TBC1D1: variants seen among roughly 807,000 people sequenced by gnomAD.
The protein encoded by TBC1D1 is TBC1 domain family member 1, also known as TBC1 (tre-2/USP6, BUB2, cdc16) domain family, member 1.
TBC1D1 carries 89 observed loss-of-function variants against 125.6 expected under a neutral mutation model. That is an observed-to-expected ratio of 0.71 (90% confidence interval 0.60 to 0.85). TBC1D1 has a LOEUF of 0.85. Among genes scored for constraint, TBC1D1 ranks in the 40% least tolerant of loss-of-function variants. The pLI is 0.00. For missense variants in TBC1D1, 1,377 were observed against 1,469.2 expected (o/e 0.94, Z 1.03); for synonymous variants, 565 against 564.1 (o/e 1.00, Z -0.02).
chr4:38,130,023 G>A (rs889497979), intron 18 of TBC1D1, among the ~76,000 whole-genome samples: 5 of 152,154 alleles, frequency 3.3e-5, no homozygotes, highest in African/African-American at 9.7e-5. Context: ...GTATCCTCAG[G>A]AAATAATCCA....
At chr4:38,025,011 A>G (rs924609577) in intron 6 of TBC1D1, among the ~76,000 whole-genome samples, 7 of 152,206 alleles carry the variant, frequency 4.6e-5, no homozygotes, top group African/African-American at 1.7e-4. Flanking sequence ...CCAGTTCTGT[A>G]TTTGAATCAT....
At chr4:38,077,063 TG>T (rs1451441137) in intron 12 of TBC1D1, among the ~76,000 whole-genome samples, 1 of 152,242 alleles carries the variant, frequency 6.6e-6, no homozygotes, top group Non-Finnish European at 1.5e-5. Context: ...CCTCTTAGGA[TG>T]GTTCTTTCTG....
intron 19 of TBC1D1, among the ~76,000 whole-genome samples, chr4:38,135,332 C>T (rs1488209742): frequency 6.6e-6 from 1 of 152,192 alleles, no homozygotes; most frequent in Non-Finnish European, 1.5e-5. Flanking sequence ...GTACATCAGA[C>T]GATTGCATAG....
intron 14 of TBC1D1, among the ~76,000 whole-genome samples, chr4:38,101,179 CCCAAAGG>C (rs1760257708): frequency 6.6e-6 from 1 of 152,210 alleles, no homozygotes; most frequent in Non-Finnish European, 1.5e-5. Flanking sequence ...AGAAACTTTT[CCCAAAGG>C]TGGCCAGAGA....
intron 2 of TBC1D1, among the ~76,000 whole-genome samples, chr4:37,964,898 T>C (rs1730780358): frequency 6.6e-6 from 1 of 152,240 alleles, no homozygotes. Context: ...AGCCTGCTAT[T>C]GGCAGGAAGC....
At chr4:38,060,496 ATGTT>A (rs1752561885) in intron 12 of TBC1D1, 2 of 468,578 alleles carry the variant, frequency 4.3e-6, no homozygotes, top group South Asian at 4.6e-5. Flanking sequence ...GCTTTTTTTC[ATGTT>A]TGTTGGCTGT....
intron 2 of TBC1D1, among the ~76,000 whole-genome samples, chr4:37,994,008 G>A (rs530902815): frequency 2.0e-5 from 3 of 152,226 alleles, no homozygotes; most frequent in Admixed American, 6.5e-5. Flanking sequence ...ATCTGATCTC[G>A]TGAAAATGAA....
At chr4:38,020,779 AC>A in intron 5 of TBC1D1, 84 bp downstream of exon 5, 1 of 1,143,796 alleles carries the variant, frequency 8.7e-7, no homozygotes, top group Non-Finnish European at 1.3e-6. Context: ...CTTAGGGAAA[AC>A]CAGATGGTCA....
intron 2 of TBC1D1, among the ~76,000 whole-genome samples, chr4:37,999,050 A>T (rs1238358273): frequency 6.6e-6 from 1 of 152,188 alleles, no homozygotes; most frequent in Admixed American, 6.5e-5. Flanking sequence ...GGAGTTCAAG[A>T]CCAGCCTGGC....
At chr4:38,107,889 T>C (rs1276001718) in intron 15 of TBC1D1, among the ~76,000 whole-genome samples, 2 of 152,126 alleles carry the variant, frequency 1.3e-5, no homozygotes, top group Non-Finnish European at 2.9e-5. Context: ...CTTCTGTGTT[T>C]CTTGGCTCTG....
chr4:38,014,699 T>G lies in TBC1D1; in HGVS notation c.608T>G (p.Val203Gly), dbSNP rs1300457743. The G allele has an allele frequency of 4.3e-6, 7 of 1,612,708 alleles. No homozygotes were observed. The highest frequency in any genetic ancestry group is 5.1e-6 in the Non-Finnish European group (6 of 1,179,944). Reference sequence around the variant, plus strand: ...GAGTGCATCGAGAAGTTCAATCACGTCAGCGGCAGCCGGGGGTCCGAGAGC... The same window carrying G: ...GAGTGCATCGAGAAGTTCAATCACGGCAGCGGCAGCCGGGGGTCCGAGAGC... Residue 203 changes from valine to glycine, a missense_variant, in exon 3 of 20, where the codon GTC (valine) becomes GGC (glycine). Coordinates refer to ENST00000261439, the MANE Select transcript of TBC1D1 (RefSeq NM_015173.4). This position sits in a 1 kb window ranked among gnomAD's most constrained non-coding sequence, Gnocchi z 5.1.
chr4:37,897,712 T>C (rs1221244493), intron 1 of TBC1D1, among the ~76,000 whole-genome samples: 1 of 152,238 alleles, frequency 6.6e-6, no homozygotes, highest in Non-Finnish European at 1.5e-5. Context: ...TTGATAGAGC[T>C]CAGATTTATC....
At position 38,095,978 on chromosome 4, in the gene TBC1D1, A is replaced by G. The variant is rs774923925; in HGVS notation, c.2286A>G (p.Glu762=). The change falls in exon 14 of 20, where the codon GAA becomes GAG. Residue 762 remains glutamate (E), a synonymous_variant. Transcript: ENST00000261439. ...AGCGCCTGAAGCTCGATTATGAAGAAATTACTCCCTGTCTTAAAGAAGTAA... is the reference window on the plus strand; with the variant it reads ...AGCGCCTGAAGCTCGATTATGAAGAGATTACTCCCTGTCTTAAAGAAGTAA... 3.1e-6 allele frequency: 5 copies of G among 1,614,110 alleles called. No individual in the cohort carries two copies. In the South Asian group the frequency reaches 3.3e-5, roughly 11 times the overall value.
intron 2 of TBC1D1, chr4:37,952,812 A>G (rs1728167493): frequency 6.6e-6 from 1 of 152,400 alleles, no homozygotes; most frequent in East Asian, 1.9e-4. Context: ...AAAGGGAAAA[A>G]TAAAATGTCC....
chr4:38,020,489 T>C, intron 4 of TBC1D1, 102 bp from the exon 5 acceptor site: 2 of 938,770 alleles, frequency 2.1e-6, no homozygotes, highest in South Asian at 2.9e-5. Flanking sequence ...AAAAAGATAA[T>C]AAAAAGTAAA....
At chr4:38,127,685 C>T (rs1186227535) in intron 18 of TBC1D1, among the ~76,000 whole-genome samples, 1 of 152,124 alleles carries the variant, frequency 6.6e-6, no homozygotes, top group Non-Finnish European at 1.5e-5. Context: ...TGCCCGACCT[C>T]CACTGACTTA....
At chr4:37,908,764 A>G (rs909247328) in intron 2 of TBC1D1, among the ~76,000 whole-genome samples, 7 of 152,102 alleles carry the variant, frequency 4.6e-5, no homozygotes, top group Admixed American at 3.9e-4. Context: ...AGGAAGTCTT[A>G]TTTCTTGCTG....
rs1032700282 is a variant in TBC1D1, at chr4:37,936,519, G to A, written c.417+34007G>A. The stretch of plus-strand genomic sequence containing the variant: ...GCAGAGTGCCTGGAATAGTCTAGGG[G>A]CTATTGGATGGAATGATGATGAATG... On this transcript the variant is annotated intron_variant, in intron 2 of 19. Transcript: ENST00000261439. Among the ~76,000 whole-genome samples the A allele has an allele frequency of 1.8e-4, 28 of 152,260 alleles. No homozygotes were observed. The South Asian group carries it at 1.9e-3, about 10-fold the overall frequency.
At chr4:38,102,807 C>G (rs1016861301) in intron 14 of TBC1D1, among the ~76,000 whole-genome samples, 192 bp from the exon 17 acceptor site, 10 of 149,642 alleles carry the variant, frequency 6.7e-5, no homozygotes, top group African/African-American at 2.0e-4. Flanking sequence ...TTGGAGCCCA[C>G]AAGGTTGAGG....
Sources: gnomAD v4.1 joint callset for allele counts (sites outside exome capture counted in the v4.1 genomes callset) on GRCh38, gnomAD v4.1.1 for gene constraint, Gnocchi (gnomAD v3.1) non-coding constraint, MANE v1.5 for transcripts, NCBI Gene and HGNC (gene_info 2026-07-23, HGNC 2026-07-21) for gene names.